The following CMPK2 variants were observed in gnomAD, a reference collection of about 807,000 sequenced individuals.
CMPK2 encodes the protein cytidine/uridine monophosphate kinase 2.
A neutral mutation model predicts 33.4 loss-of-function variants in CMPK2; 32 were observed. The ratio of observed to expected loss-of-function variants is 0.96; its 90% confidence interval spans 0.72 to 1.29. The LOEUF is 1.29. CMPK2 is among the 50% of genes most tolerant of loss of function. CMPK2 has a pLI of 0.00. For missense variants in CMPK2, 672 were observed against 616.0 expected (o/e 1.09, Z -0.96); for synonymous variants, 299 against 275.3 (o/e 1.09, Z -0.85).
At position 6,865,310 on chromosome 2, in the gene CMPK2, T is replaced by C. The variant is rs1663034150; in HGVS notation, c.387A>G (p.Gln129=). 2.6e-6 allele frequency: 4 copies of C among 1,511,334 alleles called. No homozygotes were observed. The highest frequency in any genetic ancestry group is 3.5e-6 in the Non-Finnish European group (4 of 1,137,912). 93.6% of individuals were successfully genotyped at this position (1,511,334 alleles called of 1,614,324 possible). Reference sequence around the variant, plus strand: ...CCAGGGGGTCGCGCAGCAGGAAGCCTTGCTGTGCGCCGCCGGCCTGGCCGC... The same window carrying C: ...CCAGGGGGTCGCGCAGCAGGAAGCCCTGCTGTGCGCCGCCGGCCTGGCCGC... ...CPGGQAGGAQ[Q]GFLLRDPLDD... is the part of the protein sequence containing the mutation. Residue 129 remains glutamine (Q), a synonymous_variant, in exon 1 of 5, where the codon CAA becomes CAG. Coordinates refer to ENST00000256722, the MANE Select transcript of CMPK2 (RefSeq NM_207315.4).
At chr2:6,851,350 G>A in intron 4 of CMPK2, 100 bp downstream of exon 4, 1 of 1,549,122 alleles carries the variant, frequency 6.5e-7, no homozygotes, top group Non-Finnish European at 8.7e-7. Flanking sequence ...TTGAAAACTG[G>A]AAACAATATC....
intron 3 of CMPK2, among the ~76,000 whole-genome samples, chr2:6,860,018 A>G (rs1662826740): frequency 6.6e-6 from 1 of 152,250 alleles, no homozygotes. Context: ...CGATCTGGAC[A>G]TGAGAAATAG....
At chr2:6,842,799 C>T (rs559842607) in intron 3 of CMPK2, among the ~76,000 whole-genome samples, 2 of 152,234 alleles carry the variant, frequency 1.3e-5, no homozygotes, top group East Asian at 3.9e-4. Context: ...CCCCAAAATC[C>T]TCTTAGCTGT....
intron 3 of CMPK2, among the ~76,000 whole-genome samples, chr2:6,858,221 T>C (rs1662774252): frequency 6.6e-6 from 1 of 152,182 alleles, no homozygotes; most frequent in African/African-American, 2.4e-5. Flanking sequence ...CTTTTTTTTT[T>C]TTAAATCAGG....
chr2:6,849,193 T>TCATAAA lies in CMPK2; in HGVS notation c.*656_*657insTTTATG. On this transcript the variant is annotated 3_prime_UTR_variant, in exon 5 of 5. Coordinates refer to ENST00000256722, the MANE Select transcript of CMPK2 (RefSeq NM_207315.4). ...TGCAGTTGGAGCATCTTGGCTTGAA[T>TCATAAA]GTCTTTATATATGACTCAGAAGCCT... 1.0e-6 allele frequency: 1 copy of TCATAAA among 985,460 alleles called. No homozygotes were observed. The allele number at this position is 985,460 out of a possible 1,614,324, so 61.0% of individuals were successfully genotyped here.
downstream of CMPK2, among the ~76,000 whole-genome samples, chr2:6,844,028 T>G (rs78299302): frequency 0.018 from 2,669 of 152,214 alleles, 77 homozygotes; most frequent in African/African-American, 0.058. Flanking sequence ...AACCTATATC[T>G]CCAGGGACAG....
chr2:6,865,295 G>A lies in CMPK2; in HGVS notation c.402C>T (p.Arg134=), dbSNP rs577262130. 1 of 1,527,502 alleles carries A rather than the reference G, an allele frequency of 6.5e-7. No homozygotes were observed. The highest frequency in any genetic ancestry group is 8.7e-7 in the Non-Finnish European group (1 of 1,145,428). The allele number at this position is 1,527,502 out of a possible 1,614,324, so 94.6% of individuals were successfully genotyped here. The stretch of plus-strand genomic sequence containing the variant: ...GGGTGTCAGGGTCATCCAGGGGGTC[G>A]CGCAGCAGGAAGCCTTGCTGTGCGC... ...AGGAQQGFLL[R]DPLDDPDTRQ... is the part of the protein sequence containing the mutation. Residue 134 remains arginine (R), a synonymous_variant, in exon 1 of 5, where the codon CGC becomes CGT. Coordinates refer to ENST00000256722, the MANE Select transcript of CMPK2 (RefSeq NM_207315.4).
rs369041857 is a variant in CMPK2, at chr2:6,861,394, C to T, written c.791-9G>A. ...GGTCACCGTGGTTTTACCTGCAGGT[C>T]ATACACAAAATATATACATCTTAAC... On this transcript the variant is annotated splice_polypyrimidine_tract_variant and intron_variant, in intron 2 of 4. Transcript: ENST00000256722. The T allele has an allele frequency of 1.5e-4, 237 of 1,610,770 alleles. No individual in the cohort carries two copies. The South Asian group carries it at 2.2e-3, about 15-fold the overall frequency.
chr2:6,866,576 C>T (rs375239276), upstream of CMPK2: 1 of 507,434 alleles, frequency 2.0e-6, no homozygotes, highest in Non-Finnish European at 2.6e-6. Context: ...GTCAGGATAG[C>T]ACCCTCTGCC....
intron 3 of CMPK2, among the ~76,000 whole-genome samples, chr2:6,860,493 T>C (rs1662839588): frequency 6.6e-6 from 1 of 152,194 alleles, no homozygotes; most frequent in Admixed American, 6.5e-5. Flanking sequence ...TGATTGTGAA[T>C]AAGTCTCACA....
chr2:6,845,255 C>G (rs781742593), downstream of CMPK2, among the ~76,000 whole-genome samples: 25 of 152,084 alleles, frequency 1.6e-4, no homozygotes, highest in Non-Finnish European at 3.4e-4. Context: ...AAGGCCATGT[C>G]CTTGTACAAT....
At position 6,861,199 on chromosome 2, in the gene CMPK2, G is replaced by A. The variant is rs536477451; in HGVS notation, c.977C>T (p.Pro326Leu). ...TTATACCTACCTGTCTACAATCACA[G>A]GAGATTTGGCAGATTCTTTAGCTAT... ...SEIAKESAKSPVIVDRYWHST... is the reference protein window; with the variant it reads ...SEIAKESAKSLVIVDRYWHST... Residue 326 changes from proline (P) to leucine (L), a missense_variant, in exon 3 of 5, where the codon CCT becomes CTT. By Grantham distance (98) the Pro-to-Leu change is moderately conservative. Transcript: ENST00000256722. 9.3e-6 allele frequency: 15 copies of A among 1,613,738 alleles called. No individual in the cohort carries two copies. The highest frequency in any genetic ancestry group is 1.3e-5 in the Non-Finnish European group (15 of 1,179,932).
intron 3 of CMPK2, among the ~76,000 whole-genome samples, chr2:6,842,988 A>G (rs569845634): frequency 6.6e-6 from 1 of 152,294 alleles, no homozygotes; most frequent in African/African-American, 2.4e-5. Flanking sequence ...GCCTCAGTGC[A>G]TTTTTGAGAA....
Position 6,865,365 on chromosome 2 carries a change from T to C in CMPK2, c.332A>G (p.Gln111Arg), listed in dbSNP as rs898140834. The C allele has an allele frequency of 7.1e-7, 1 of 1,417,084 alleles. No individual in the cohort carries two copies. The highest frequency in any genetic ancestry group is 9.1e-7 in the Non-Finnish European group (1 of 1,094,782). The allele number at this position is 1,417,084 out of a possible 1,614,324, so 87.8% of individuals were successfully genotyped here. A position where few individuals can be genotyped will look rare whatever the true frequency, so the allele number is the denominator to read the frequency against. Residue 111 changes from glutamine to arginine, a missense_variant, in exon 1 of 5, where the codon CAG becomes CGG. By Grantham distance (43) the Gln-to-Arg change is conservative. Coordinates refer to ENST00000256722, the MANE Select transcript of CMPK2 (RefSeq NM_207315.4). ...QLRRGPFQRC[Q>R]LLRLLCYCPG... is the part of the protein sequence containing the mutation. ...GCAGTAGCAGAGCAGCCTGAGCAGC[T>C]GGCACCGCTGGAAGGGGCCGCGGCG... is the stretch of plus-strand genomic sequence containing the variant.
Position 6,851,549 on chromosome 2 carries a change from G to A in CMPK2, c.1127C>T (p.Thr376Ile), listed in dbSNP as rs927335351. The change falls in exon 4 of 5, where the codon ACT becomes ATT. Residue 376 changes from threonine (T) to isoleucine (I), a missense_variant. Physicochemically the swap from Thr to Ile is moderately conservative, Grantham distance 89. Transcript: ENST00000256722. ...CTGCAACCTCTCCTCAGGACTCACA[G>A]TGAGCAGCAGGATAAGGTCAGGTTT... The part of the protein sequence containing the change: ...LLKPDLILLL[T>I]VSPEERLQRL... The A allele has an allele frequency of 6.2e-7, 1 of 1,614,198 alleles. No individual in the cohort carries two copies. Among genetic ancestry groups the A allele is most frequent in the South Asian group, 1.1e-5 (1 of 91,084 alleles).
upstream of CMPK2, chr2:6,865,967 G>T: frequency 1.8e-6 from 2 of 1,092,104 alleles, no homozygotes; most frequent in Non-Finnish European, 2.4e-6. Flanking sequence ...CAGGTGCGCG[G>T]CTCCGCGGGC....
chr2:6,841,887 A>T (rs186473092), intron 3 of CMPK2, among the ~76,000 whole-genome samples: 2 of 152,352 alleles, frequency 1.3e-5, no homozygotes. Context: ...AGCCATTAGC[A>T]GTCAGGGAGT....
At chr2:6,866,417 C>G, upstream of CMPK2, 1 of 985,292 alleles carries the variant, frequency 1.0e-6, no homozygotes, top group Non-Finnish European at 1.2e-6. Flanking sequence ...CACCTTTGCA[C>G]ACACTCACCT....
chr2:6,856,974 A>AGT (rs1662723159), intron 3 of CMPK2, among the ~76,000 whole-genome samples: 1 of 152,200 alleles, frequency 6.6e-6, no homozygotes, highest in South Asian at 2.1e-4. Flanking sequence ...AACTTTTGTG[A>AGT]GTGTTTCTTC....
Sources: gnomAD v4.1 joint callset for allele counts (sites outside exome capture counted in the v4.1 genomes callset) on GRCh38, gnomAD v4.1.1 for gene constraint, MANE v1.5 for transcripts, NCBI Gene and HGNC (gene_info 2026-07-23, HGNC 2026-07-21) for gene names.